The following CA12 variants were observed in gnomAD, a reference collection of about 807,000 sequenced individuals.
CA12 encodes the protein carbonic anhydrase 12, also known as carbonate dehydratase XII.
A neutral mutation model predicts 46.8 loss-of-function variants in CA12; 36 were observed. That is an observed-to-expected ratio of 0.77 (90% CI 0.59 to 1.02). The LOEUF (loss-of-function observed/expected upper bound fraction) is 1.02. Among genes scored for constraint, CA12 ranks in the 50% least tolerant of loss-of-function variants. The pLI, the probability that CA12 is intolerant of heterozygous loss-of-function variation, is 0.00. For missense variants in CA12, 436 were observed against 451.4 expected (o/e 0.97, Z 0.31); for synonymous variants, 202 against 187.0 (o/e 1.08, Z -0.65).
At chr15:63,363,953 C>T (rs757595522) in intron 2 of CA12, among the ~76,000 whole-genome samples, 5 of 151,916 alleles carry the variant, frequency 3.3e-5, no homozygotes, top group Admixed American at 1.3e-4. Context: ...TTTGGGAGGC[C>T]GAGGAGGGCG....
Position 63,378,682 on chromosome 15 carries a change from A to G in CA12, c.85+2954T>C, listed in dbSNP as rs901391965. Reference sequence around the variant, plus strand: ...AAAACCTCTTCTGGACATTTTCTTCAGTCTTTTGTGTGAGAGGTTCATTAT... The same window carrying G: ...AAAACCTCTTCTGGACATTTTCTTCGGTCTTTTGTGTGAGAGGTTCATTAT... On this transcript the variant is annotated intron_variant, in intron 1 of 10. Transcript: ENST00000178638. This position sits in a 1 kb window ranked among gnomAD's most constrained non-coding sequence, Gnocchi z 4.8. 1.3e-5 allele frequency: 2 copies of G among 152,240 alleles called. No individual in the cohort carries two copies. The highest frequency in any genetic ancestry group is 4.8e-5 in the African/African-American group (2 of 41,476). The allele number at this position is 152,240 out of a possible 1,614,324, so 9.4% of individuals were successfully genotyped here. A position where few individuals can be genotyped will look rare whatever the true frequency, so the allele number is the denominator to read the frequency against.
At position 63,371,623 on chromosome 15, in the gene CA12, G is replaced by A. The variant is rs1194552016; in HGVS notation, c.106+4035C>T. Among the ~76,000 whole-genome samples the A allele has an allele frequency of 2.6e-5, 4 of 152,330 alleles. No individual in the cohort carries two copies. In the South Asian group the frequency reaches 8.3e-4, roughly 32 times the overall value. Reference sequence around the variant, plus strand: ...GAAGGCTTGTCATCCATGTTCTTCTGCCATCCCATCGCGTTTAAGACTTTG... The same window carrying A: ...GAAGGCTTGTCATCCATGTTCTTCTACCATCCCATCGCGTTTAAGACTTTG... On this transcript the variant is annotated intron_variant, in intron 2 of 10. Transcript: ENST00000178638.
chr15:63,343,461 A>G (rs1173134110), intron 4 of CA12, among the ~76,000 whole-genome samples: 2 of 151,730 alleles, frequency 1.3e-5, no homozygotes, highest in Non-Finnish European at 2.9e-5. Context: ...TTGCATTTTT[A>G]GTAGAGATGG....
In CA12 at chr15:63,374,011, G is replaced by T. The variant is rs763906214; in HGVS notation, c.106+1647C>A. 5.5e-4 allele frequency among the ~76,000 whole-genome samples: 84 copies of T among 152,176 alleles called. No homozygotes were observed. Among genetic ancestry groups the T allele is most frequent in the Non-Finnish European group, 1.0e-4 (7 of 68,002 alleles). On this transcript the variant is annotated intron_variant, in intron 2 of 10. Transcript: ENST00000178638. The surrounding 1 kb of genome is among the most constrained non-coding windows in gnomAD (Gnocchi z 4.4). ...ACTGGATGTGAAGACACGGAACGGG[G>T]TTTCTCCACAGGCCAAACACCTTCC...
chr15:63,374,616 C>G lies in CA12; in HGVS notation c.106+1042G>C, dbSNP rs533175981. Reference sequence around the variant, plus strand: ...CCGTGCAGTGCTGGGGCTGAGGGGACCTTGGCCTGTGGGTAGCTGGTTGGT... The same window carrying G: ...CCGTGCAGTGCTGGGGCTGAGGGGAGCTTGGCCTGTGGGTAGCTGGTTGGT... On this transcript the variant is annotated intron_variant, in intron 2 of 10. Coordinates refer to ENST00000178638, the MANE Select transcript of CA12 (RefSeq NM_001218.5). This position sits in a 1 kb window ranked among gnomAD's most constrained non-coding sequence, Gnocchi z 4.4. Among the ~76,000 whole-genome samples the G allele has an allele frequency of 6.6e-5, 10 of 152,288 alleles. No individual in the cohort carries two copies. The East Asian group carries it at 1.9e-3, about 29-fold the overall frequency.
At chr15:63,375,457 C>A (rs2039558082) in intron 2 of CA12, 6 of 535,750 alleles carry the variant, frequency 1.1e-5, no homozygotes, top group Admixed American at 3.4e-5. Context: ...AGCAGGCTCG[C>A]CTGCTTGGAG....
chr15:63,346,646 G>A lies in CA12; in HGVS notation c.170C>T (p.Pro57Leu), dbSNP rs1310214803. Residue 57 changes from proline (P) to leucine (L), a missense_variant, in exon 3 of 11, where the codon CCC (proline) becomes CTC (leucine). Physicochemically the swap from Pro to Leu is moderately conservative, Grantham distance 98. Transcript: ENST00000178638. ...GAGGATGTCACTGTGCAGGTCTATGGGGGACTGCAGCAGGCCCCCACACGA... is the reference window on the plus strand; with the variant it reads ...GAGGATGTCACTGTGCAGGTCTATGAGGGACTGCAGCAGGCCCCCACACGA... ...YPSCGGLLQS[P>L]IDLHSDILQY... The A allele has an allele frequency of 1.2e-6, 2 of 1,613,664 alleles. No homozygotes were observed. Among genetic ancestry groups the A allele is most frequent in the African/African-American group, 2.7e-5 (2 of 74,854 alleles).
intron 2 of CA12, among the ~76,000 whole-genome samples, chr15:63,363,837 C>T (rs2039397598): frequency 6.6e-6 from 1 of 152,204 alleles, no homozygotes; most frequent in Admixed American, 6.5e-5. Flanking sequence ...ATGGGTCGCT[C>T]CCTGCTTCAT....
intron 8 of CA12, among the ~76,000 whole-genome samples, chr15:63,336,928 C>T (rs2039011875): frequency 6.6e-6 from 1 of 152,174 alleles, no homozygotes; most frequent in South Asian, 2.1e-4. Context: ...TTCCTAATCT[C>T]CTGGCAGAGT....
At chr15:63,356,916 A>G (rs1310182972) in intron 2 of CA12, among the ~76,000 whole-genome samples, 2 of 152,252 alleles carry the variant, frequency 1.3e-5, no homozygotes, top group African/African-American at 4.8e-5. Flanking sequence ...ATATTAGTCA[A>G]AAGGTGGAAA....
chr15:63,340,329 A>G lies in CA12; in HGVS notation c.706T>C (p.Trp236Arg), dbSNP rs752239282. ...TTPPCNPTVL[W>R]TVFRNPVQIS... is the part of the protein sequence containing the mutation. ...TGCACGGGGTTTCGGAAAACTGTCC[A>G]GAGCACAGTGGGGTTGCAAGGGGGT... The change falls in exon 7 of 11, where the codon TGG (tryptophan) becomes CGG (arginine). Residue 236 changes from tryptophan to arginine, a missense_variant. Trp to Arg is a moderately radical substitution (Grantham distance 101). Coordinates refer to ENST00000178638, the MANE Select transcript of CA12 (RefSeq NM_001218.5). The surrounding 1 kb of genome is among the most constrained non-coding windows in gnomAD (Gnocchi z 4.4). The G allele has an allele frequency of 6.2e-7, 1 of 1,614,226 alleles. No individual in the cohort carries two copies. The highest frequency in any genetic ancestry group is 8.5e-7 in the Non-Finnish European group (1 of 1,180,032).
intron 8 of CA12, 133 bp downstream of exon 8, chr15:63,338,686 G>A: frequency 4.2e-6 from 5 of 1,196,308 alleles, no homozygotes; most frequent in Non-Finnish European, 6.1e-6. Flanking sequence ...CAAGGCGCCT[G>A]GTTCCCGTGG....
Position 63,345,524 on chromosome 15 carries a change from G to A in CA12, c.382C>T (p.Pro128Ser), listed in dbSNP as rs2039134823. Residue 128 changes from proline (P) to serine (S), a missense_variant, in exon 4 of 11, where the codon CCG (proline) becomes TCG (serine). Physicochemically the swap from Pro to Ser is moderately conservative, Grantham distance 74. Transcript: ENST00000178638. The surrounding 1 kb of genome is among the most constrained non-coding windows in gnomAD (Gnocchi z 4.3). ...CTGACGGTGTGCTCAGAGCCGTGCG[G>A]GTCATTCGGGTTCCCCCAGTGCAGG... ...LHLHWGNPND[P>S]HGSEHTVSGQ... The A allele has an allele frequency of 6.2e-7, 1 of 1,612,486 alleles. No homozygotes were observed.
Position 63,345,690 on chromosome 15 carries a change from C to T in CA12, c.287-71G>A, listed in dbSNP as rs931744053. ...CACTGCCAGAGAGCAGTCAGGTAGG[C>T]AATGCTCCCTCCACCCCTGCTGCCA... On this transcript the variant is annotated intron_variant, in intron 3 of 10. Coordinates refer to ENST00000178638, the MANE Select transcript of CA12 (RefSeq NM_001218.5). The surrounding 1 kb of genome is among the most constrained non-coding windows in gnomAD (Gnocchi z 4.3). 7.7e-6 allele frequency: 12 copies of T among 1,549,288 alleles called. No homozygotes were observed. In the African/African-American group the frequency reaches 1.5e-4, roughly 19 times the overall value.
chr15:63,369,495 G>A (rs2039475385), intron 2 of CA12, among the ~76,000 whole-genome samples: 1 of 152,228 alleles, frequency 6.6e-6, no homozygotes, highest in Admixed American at 6.5e-5. Flanking sequence ...TCAAACTTGA[G>A]TGAGCAGCAG....
rs2039077551 is a variant in CA12, at chr15:63,341,351, C to T, written c.526-568G>A. Among the ~76,000 whole-genome samples, 1 of 152,210 alleles carries T rather than the reference C, an allele frequency of 6.6e-6. No homozygotes were observed. The highest frequency in any genetic ancestry group is 2.4e-5 in the African/African-American group (1 of 41,466). On this transcript the variant is annotated intron_variant, in intron 5 of 10. Transcript: ENST00000178638. This position sits in a 1 kb window ranked among gnomAD's most constrained non-coding sequence, Gnocchi z 5.2. Reference sequence around the variant, plus strand: ...CAGCAGGAGGTGAGCAGCGGGCAAGCAAGCATTACAGCCTGAGCTCCGCCC... The same window carrying T: ...CAGCAGGAGGTGAGCAGCGGGCAAGTAAGCATTACAGCCTGAGCTCCGCCC...
At chr15:63,366,718 A>G (rs1020073708) in intron 2 of CA12, among the ~76,000 whole-genome samples, 3 of 152,206 alleles carry the variant, frequency 2.0e-5, no homozygotes, top group African/African-American at 7.2e-5. Flanking sequence ...CTTCATTACT[A>G]TATAAATATG....
At position 63,341,048 on chromosome 15, in the gene CA12, T is replaced by C. The variant is rs2039072471; in HGVS notation, c.526-265A>G. On this transcript the variant is annotated intron_variant, in intron 5 of 10. Transcript: ENST00000178638. This position sits in a 1 kb window ranked among gnomAD's most constrained non-coding sequence, Gnocchi z 5.2. ...CATAGGGTACCGTGTGTGCTCTTGA[T>C]GATCCAGATATGAGCCTGAAGGCTT... Among the ~76,000 whole-genome samples, 1 of 152,148 alleles carries C rather than the reference T, an allele frequency of 6.6e-6. No homozygotes were observed. Among genetic ancestry groups the C allele is most frequent in the Admixed American group, 6.5e-5 (1 of 15,278 alleles).
rs916968796 is a variant in CA12, at chr15:63,324,285, C to T, written c.*2000G>A. On this transcript the variant is annotated 3_prime_UTR_variant, in exon 11 of 11. Transcript: ENST00000178638. Reference sequence around the variant, plus strand: ...TAAGTCTCCCTTTTCATGAACAGCCCTTGTGCCAGGTACAATGGTCTCTCT... The same window carrying T: ...TAAGTCTCCCTTTTCATGAACAGCCTTTGTGCCAGGTACAATGGTCTCTCT... The T allele has an allele frequency of 6.6e-6, 1 of 152,298 alleles. No individual in the cohort carries two copies. Among genetic ancestry groups the T allele is most frequent in the Non-Finnish European group, 1.5e-5 (1 of 68,126 alleles). 9.4% of individuals were successfully genotyped at this position (152,298 alleles called of 1,614,324 possible). A position where few individuals can be genotyped will look rare whatever the true frequency, so the allele number is the denominator to read the frequency against.
Sources: gnomAD v4.1 joint callset for allele counts (sites outside exome capture counted in the v4.1 genomes callset) on GRCh38, gnomAD v4.1.1 for gene constraint, Gnocchi (gnomAD v3.1) non-coding constraint, MANE v1.5 for transcripts, NCBI Gene and HGNC (gene_info 2026-07-23, HGNC 2026-07-21) for gene names.